Variants in CADM2 observed in about 807,000 individuals in gnomAD.
CADM2 encodes the protein cell adhesion molecule 2, also known as immunoglobulin superfamily member 4D.
CADM2 carries 12 observed loss-of-function variants against 49.8 expected under a neutral mutation model. The observed-to-expected ratio is 0.24, with a 90% CI of 0.15 to 0.39. The LOEUF (loss-of-function observed/expected upper bound fraction) is 0.39. Ranked by LOEUF, CADM2 falls within the 10% of genes least tolerant of loss-of-function variation. The pLI is 1.00. For missense variants in CADM2, 378 were observed against 492.3 expected (o/e 0.77, Z 2.20); for synonymous variants, 214 against 175.4 (o/e 1.22, Z -1.74).
chr3:85,576,429 C>A (rs2062635386), intron 1 of CADM2, among the ~76,000 whole-genome samples: 1 of 152,108 alleles, frequency 6.6e-6, no homozygotes, highest in Admixed American at 6.6e-5. Context: ...CATTTTATGA[C>A]AAAATCCTGA....
intron 1 of CADM2, among the ~76,000 whole-genome samples, chr3:85,168,534 CATA>C (rs1199872826): frequency 3.3e-5 from 5 of 152,172 alleles, no homozygotes; most frequent in African/African-American, 1.2e-4. Context: ...TTTCAAGAAA[CATA>C]ATTCAGACAT....
intron 1 of CADM2, among the ~76,000 whole-genome samples, chr3:85,673,356 T>C (rs1418156950): frequency 6.6e-6 from 1 of 152,012 alleles, no homozygotes; most frequent in Non-Finnish European, 1.5e-5. Flanking sequence ...AAAGGTCTGA[T>C]TAAGAAGGAA....
intron 2 of CADM2, among the ~76,000 whole-genome samples, chr3:85,795,959 A>G (rs1286267396): frequency 6.6e-6 from 1 of 152,182 alleles, no homozygotes; most frequent in African/African-American, 2.4e-5. Flanking sequence ...TTCACCTCCC[A>G]GTGTCAGTTT....
intron 7 of CADM2, among the ~76,000 whole-genome samples, chr3:85,937,425 A>G (rs1721308831): frequency 6.6e-6 from 1 of 151,900 alleles, no homozygotes; most frequent in Admixed American, 6.6e-5. Context: ...AAGGCTCCCT[A>G]TTTTACGGAA....
At chr3:85,275,060 T>G (rs749245180) in intron 1 of CADM2, among the ~76,000 whole-genome samples, 3 of 151,480 alleles carry the variant, frequency 2.0e-5, no homozygotes, top group Non-Finnish European at 3.0e-5. Flanking sequence ...AAGATGTGGC[T>G]GAAGAGGAAG....
At chr3:85,260,064 A>AT (rs1218767636) in intron 1 of CADM2, among the ~76,000 whole-genome samples, 2 of 152,092 alleles carry the variant, frequency 1.3e-5, no homozygotes, top group African/African-American at 4.8e-5. Context: ...TTTTTTAAAT[A>AT]TTTTTTTCTG....
chr3:86,010,576 C>A (rs1731372827), intron 8 of CADM2, among the ~76,000 whole-genome samples: 1 of 151,066 alleles, frequency 6.6e-6, no homozygotes, highest in African/African-American at 2.4e-5. Flanking sequence ...TATATAAGCT[C>A]TGTTTAAAAC....
chr3:85,971,543 G>T (rs1044501961), intron 8 of CADM2, among the ~76,000 whole-genome samples: 2 of 151,470 alleles, frequency 1.3e-5, no homozygotes, highest in African/African-American at 4.8e-5. Flanking sequence ...GCTGATTTAC[G>T]TTTTTCTTTT....
intron 1 of CADM2, among the ~76,000 whole-genome samples, chr3:85,037,025 C>G (rs905464072): frequency 6.7e-6 from 1 of 148,864 alleles, no homozygotes; most frequent in Non-Finnish European, 1.5e-5. Context: ...AAAAACTTAG[C>G]TGGTTGTGGT....
intron 3 of CADM2, among the ~76,000 whole-genome samples, chr3:85,806,736 A>AAAACAAAACAAAACAAAACAAAC (rs1317783438): frequency 6.6e-6 from 1 of 151,196 alleles, no homozygotes; most frequent in East Asian, 1.9e-4. Context: ...CTCTGTCTCA[A>AAAACAAAACAAAACAAAACAAAC]AAACAAAACA....
chr3:85,657,789 T>C (rs1222906490), intron 1 of CADM2, among the ~76,000 whole-genome samples: 2 of 148,736 alleles, frequency 1.3e-5, no homozygotes, highest in Non-Finnish European at 3.0e-5. Flanking sequence ...TATACATGTT[T>C]TGAGTTAAAT....
At chr3:85,617,456 C>A (rs1340762155) in intron 1 of CADM2, among the ~76,000 whole-genome samples, 1 of 152,124 alleles carries the variant, frequency 6.6e-6, no homozygotes, top group African/African-American at 2.4e-5. Context: ...AGTAGCCCAC[C>A]ATCTCCTGCA....
intron 1 of CADM2, among the ~76,000 whole-genome samples, chr3:85,534,854 C>G (rs1020310654): frequency 6.6e-6 from 1 of 152,028 alleles, no homozygotes; most frequent in East Asian, 1.9e-4. Flanking sequence ...TTTTCAGATT[C>G]AGGTAAGAAA....
intron 1 of CADM2, among the ~76,000 whole-genome samples, chr3:85,429,111 A>G (rs963531052): frequency 2.0e-4 from 30 of 152,074 alleles, no homozygotes; most frequent in African/African-American, 7.0e-4. Context: ...TCATTCTGCT[A>G]TGGAAGCAGC....
At chr3:85,097,685 A>C (rs2107536649) in intron 1 of CADM2, among the ~76,000 whole-genome samples, 1 of 152,302 alleles carries the variant, frequency 6.6e-6, no homozygotes, top group East Asian at 1.9e-4. Context: ...TACAGCTGTA[A>C]TTGGCAAATT....
intron 1 of CADM2, among the ~76,000 whole-genome samples, chr3:84,991,677 G>A (rs1364528796): frequency 6.6e-6 from 1 of 152,148 alleles, no homozygotes; most frequent in Non-Finnish European, 1.5e-5. Context: ...CTGAAAACAT[G>A]TCCACAAAGA....
chr3:85,581,332 A>G (rs2062789746), intron 1 of CADM2, among the ~76,000 whole-genome samples: 1 of 152,026 alleles, frequency 6.6e-6, no homozygotes, highest in Non-Finnish European at 1.5e-5. Flanking sequence ...AGACATTGAG[A>G]CCTACGGGAA....
chr3:85,354,577 G>A (rs1449833812), intron 1 of CADM2, among the ~76,000 whole-genome samples: 1 of 131,066 alleles, frequency 7.6e-6, no homozygotes, highest in African/African-American at 2.8e-5. Flanking sequence ...TGTGCATGTG[G>A]GCATTTTAAA....
chr3:85,738,529 GCATGGC>G (rs2068241857), intron 2 of CADM2, among the ~76,000 whole-genome samples: 1 of 152,314 alleles, frequency 6.6e-6, no homozygotes, highest in Admixed American at 6.5e-5. Context: ...ACAACAGGTG[GCATGGC>G]CAGTAGGTCA....
Sources: allele counts gnomAD v4.1 joint callset (sites outside exome capture counted in the v4.1 genomes callset), GRCh38; gene constraint gnomAD v4.1.1; transcripts MANE v1.5; gene names NCBI Gene and HGNC (gene_info 2026-07-23, HGNC 2026-07-21).